The following BMPR1B variants were observed in gnomAD, a reference collection of about 807,000 sequenced individuals.
BMPR1B encodes the protein bone morphogenetic protein receptor type 1B, also known as bone morphogenetic protein receptor type-1B.
A neutral mutation model predicts 59.1 loss-of-function variants in BMPR1B; 12 were observed. The observed-to-expected ratio is 0.20, with a 90% CI of 0.13 to 0.33. The LOEUF is 0.33. BMPR1B is among the 10% of genes least tolerant of loss of function. The pLI is 1.00. For missense variants in BMPR1B, 550 were observed against 610.9 expected, an observed-to-expected ratio of 0.90 and a Z score of 1.05; for synonymous variants, 237 against 207.3, an observed-to-expected ratio of 1.14 and a Z score of -1.23.
intron 2 of BMPR1B, among the ~76,000 whole-genome samples, chr4:94,969,325 A>T (rs1035233703): frequency 6.6e-6 from 1 of 152,162 alleles, no homozygotes; most frequent in Non-Finnish European, 1.5e-5. Context: ...GTGAGCCACC[A>T]TGCCCGTCCA....
intron 3 of BMPR1B, among the ~76,000 whole-genome samples, chr4:95,059,377 T>C (rs1727170439): frequency 6.6e-6 from 1 of 152,182 alleles, no homozygotes; most frequent in African/African-American, 2.4e-5. Flanking sequence ...ACAGTATCAC[T>C]AAATATTTCC....
At chr4:94,787,296 A>G (rs1322011816) in intron 1 of BMPR1B, among the ~76,000 whole-genome samples, 7 of 152,180 alleles carry the variant, frequency 4.6e-5, no homozygotes, top group African/African-American at 1.7e-4. Context: ...TCAGGGCCTA[A>G]TATGTTGATG....
At chr4:94,950,633 C>T (rs1163674470) in intron 2 of BMPR1B, among the ~76,000 whole-genome samples, 1 of 152,106 alleles carries the variant, frequency 6.6e-6, no homozygotes, top group Admixed American at 6.5e-5. Flanking sequence ...GCCTCTGTTT[C>T]TGTTCCTTTG....
At chr4:95,034,407 G>T (rs2149162015) in intron 3 of BMPR1B, among the ~76,000 whole-genome samples, 1 of 152,058 alleles carries the variant, frequency 6.6e-6, no homozygotes, top group Admixed American at 6.6e-5. Flanking sequence ...TGTACCCGGT[G>T]TGTAGTCTTT....
chr4:95,054,051 A>G (rs1214552364), intron 3 of BMPR1B, among the ~76,000 whole-genome samples: 1 of 152,222 alleles, frequency 6.6e-6, no homozygotes, highest in Non-Finnish European at 1.5e-5. Context: ...AGCCGAGATT[A>G]ATATTCTGAG....
chr4:94,901,575 T>G (rs1727810075), intron 2 of BMPR1B, among the ~76,000 whole-genome samples: 1 of 152,018 alleles, frequency 6.6e-6, no homozygotes, highest in South Asian at 2.1e-4. Context: ...ATGTATTCAC[T>G]TCCCTGAAAT....
intron 3 of BMPR1B, among the ~76,000 whole-genome samples, chr4:95,096,237 C>T (rs534909733): frequency 6.6e-6 from 1 of 151,782 alleles, no homozygotes; most frequent in South Asian, 2.1e-4. Context: ...TATAACTCTA[C>T]CTTATTTCCT....
At chr4:94,802,266 G>A (rs1723436533) in intron 1 of BMPR1B, among the ~76,000 whole-genome samples, 1 of 152,162 alleles carries the variant, frequency 6.6e-6, no homozygotes, top group South Asian at 2.1e-4. Context: ...GTAGGGCTGT[G>A]ACAGCAGCAC....
intron 3 of BMPR1B, among the ~76,000 whole-genome samples, chr4:95,094,916 G>A (rs529748396): frequency 1.1e-3 from 162 of 151,644 alleles, no homozygotes; most frequent in African/African-American, 3.6e-3. Context: ...TAGAAAATCT[G>A]TTCTTTCCCT....
chr4:94,800,058 G>A (rs1024840876), intron 1 of BMPR1B, among the ~76,000 whole-genome samples: 6 of 152,132 alleles, frequency 3.9e-5, no homozygotes, highest in Non-Finnish European at 7.4e-5. Context: ...TGGGACAAGC[G>A]TTCTCTATTT....
At chr4:94,934,202 A>G (rs1729201349) in intron 2 of BMPR1B, among the ~76,000 whole-genome samples, 1 of 152,222 alleles carries the variant, frequency 6.6e-6, no homozygotes, top group African/African-American at 2.4e-5. Context: ...GAGATTCATC[A>G]TATGAAATCA....
intron 3 of BMPR1B, among the ~76,000 whole-genome samples, chr4:95,006,605 G>A (rs898364116): frequency 2.1e-4 from 31 of 148,256 alleles, no homozygotes; most frequent in African/African-American, 3.7e-4. Flanking sequence ...GCAATGGTGC[G>A]ATCTTGGCTC....
At chr4:95,088,351 T>C (rs1426279788) in intron 3 of BMPR1B, among the ~76,000 whole-genome samples, 2 of 152,018 alleles carry the variant, frequency 1.3e-5, no homozygotes, top group African/African-American at 4.8e-5. Context: ...CCTGGCATAG[T>C]TGGGGGTGGG....
intron 3 of BMPR1B, among the ~76,000 whole-genome samples, chr4:95,066,986 A>G (rs1018145852): frequency 1.3e-5 from 2 of 152,148 alleles, no homozygotes; most frequent in Non-Finnish European, 2.9e-5. Context: ...TTTCTAGTAG[A>G]GGAATTTTAG....
rs1735529631 is a variant in BMPR1B at position 95,157,920 on chromosome 4, C to A, written c.*3247C>A. On this transcript the variant is annotated 3_prime_UTR_variant, in exon 13 of 13. Transcript: ENST00000515059. ...GCTGAGATTTTATTTACAGGGAATT[C>A]TTTGACACATTTCAATTGGTGTGTA... The A allele has an allele frequency of 6.6e-6, 1 of 152,126 alleles. No homozygotes were observed. The highest frequency in any genetic ancestry group is 1.5e-5 in the Non-Finnish European group (1 of 68,014). The allele number at this position is 152,126 out of a possible 1,614,324, so 9.4% of individuals were successfully genotyped here. A position where few individuals can be genotyped will look rare whatever the true frequency, so the allele number is the denominator to read the frequency against.
At chr4:94,833,848 G>A (rs537662347) in intron 1 of BMPR1B, among the ~76,000 whole-genome samples, 62 of 152,176 alleles carry the variant, frequency 4.1e-4, no homozygotes, top group African/African-American at 1.4e-3. Flanking sequence ...ATGCATACTT[G>A]GGTATTACAC....
At chr4:94,940,648 G>C (rs145892995) in intron 2 of BMPR1B, among the ~76,000 whole-genome samples, 4 of 152,188 alleles carry the variant, frequency 2.6e-5, no homozygotes, top group Admixed American at 2.6e-4. Flanking sequence ...ATTCAACTCA[G>C]TGTTTCTTTG....
intron 2 of BMPR1B, among the ~76,000 whole-genome samples, chr4:94,880,303 A>T (rs112403002): frequency 5.9e-5 from 9 of 152,256 alleles, no homozygotes; most frequent in African/African-American, 1.9e-4. Flanking sequence ...ATGCATTAAA[A>T]TGATATATTT....
intron 3 of BMPR1B, among the ~76,000 whole-genome samples, chr4:95,039,511 A>G (rs1332004906): frequency 1.3e-5 from 2 of 149,938 alleles, no homozygotes; most frequent in African/African-American, 4.9e-5. Flanking sequence ...AGAATCTGTT[A>G]TGTTAGAAAG....
Sources: allele counts gnomAD v4.1 joint callset (sites outside exome capture counted in the v4.1 genomes callset), GRCh38; gene constraint gnomAD v4.1.1; transcripts MANE v1.5; gene names NCBI Gene and HGNC (gene_info 2026-07-23, HGNC 2026-07-21).